Variants in GRM5 observed in about 807,000 individuals in gnomAD.
GRM5 encodes glutamate metabotropic receptor 5, also known as metabotropic glutamate receptor 5.
In GRM5, 19 loss-of-function variants were observed where a neutral mutation model predicts 83.1. The observed-to-expected ratio is 0.23, with a 90% CI of 0.16 to 0.34. The LOEUF is 0.34. Ranked by LOEUF, GRM5 falls within the 10% of genes least tolerant of loss-of-function variation. The pLI is 1.00. For synonymous variants in GRM5, 675 were observed against 633.6 expected, an observed-to-expected ratio of 1.07 and a Z score of -0.98; for missense variants, 1,160 against 1,588.3, an observed-to-expected ratio of 0.73 and a Z score of 4.58.
intron 4 of GRM5, among the ~76,000 whole-genome samples, chr11:88,606,122 T>C (rs1486185278): frequency 6.6e-6 from 1 of 152,066 alleles, no homozygotes; most frequent in Non-Finnish European, 1.5e-5. Context: ...CATGCTATGT[T>C]TGGGAGACTT....
At chr11:88,798,693 A>G (rs971687178) in intron 3 of GRM5, among the ~76,000 whole-genome samples, 5 of 151,630 alleles carry the variant, frequency 3.3e-5, no homozygotes, top group African/African-American at 1.2e-4. Context: ...TATCACGGTC[A>G]TAATTGTTGT....
chr11:88,998,741 T>G lies in GRM5; in HGVS notation c.661+48471A>C, dbSNP rs373631680. Among the ~76,000 whole-genome samples the G allele has an allele frequency of 2.6e-5, 4 of 152,210 alleles. No individual in the cohort carries two copies. In the East Asian group the frequency reaches 5.8e-4, roughly 22 times the overall value. ...ACAAGTGAGTTCAGCAAAGCTTCAG[T>G]ATTCATGATAAACATAAAAATCAAA... is the stretch of plus-strand genomic sequence containing the variant. On this transcript the variant is annotated intron_variant, in intron 2 of 9. Coordinates refer to ENST00000305447, the MANE Select transcript of GRM5 (RefSeq NM_001143831.3).
intron 4 of GRM5, among the ~76,000 whole-genome samples, chr11:88,623,858 G>T (rs147617748): frequency 4.6e-5 from 7 of 152,084 alleles, no homozygotes; most frequent in Admixed American, 2.6e-4. Context: ...GTACATCCAG[G>T]TGGTGGGGGT....
intron 2 of GRM5, among the ~76,000 whole-genome samples, chr11:88,891,325 A>G (rs1945141061): frequency 6.6e-6 from 1 of 152,122 alleles, no homozygotes; most frequent in Admixed American, 6.6e-5. Flanking sequence ...TAAGTAATTT[A>G]TGACTATCTG....
chr11:88,831,514 G>A (rs1188598618), intron 3 of GRM5, among the ~76,000 whole-genome samples: 1 of 152,188 alleles, frequency 6.6e-6, no homozygotes. Context: ...ACCACAGCCA[G>A]CATCAGCATG....
Position 88,798,814 on chromosome 11 carries a change from A to AC in GRM5, c.911+51091_911+51092insG, listed in dbSNP as rs1565236146. Among the ~76,000 whole-genome samples, 22 of 141,096 alleles carry AC rather than the reference A, an allele frequency of 1.6e-4. No homozygotes were observed. The East Asian group carries it at 1.9e-3, about 12-fold the overall frequency. The allele number at this position is 141,096 out of a possible 152,430, so 92.6% of individuals were successfully genotyped here. On this transcript the variant is annotated intron_variant, in intron 3 of 9. Coordinates refer to ENST00000305447, the MANE Select transcript of GRM5 (RefSeq NM_001143831.3). ...TACCTAATGAAAACACCAAAAAAAA[A>AC]AAAAAAAAAAAAACAACAACAACAA...
At position 88,508,489 on chromosome 11, in the gene GRM5, T is replaced by C. The variant is rs1941241061; in HGVS notation, c.*103A>G. 3.5e-6 allele frequency: 3 copies of C among 869,220 alleles called. No individual in the cohort carries two copies. The highest frequency in any genetic ancestry group is 3.1e-5 in the East Asian group (1 of 32,220). 53.8% of individuals were successfully genotyped at this position (869,220 alleles called of 1,614,324 possible). A position where few individuals can be genotyped will look rare whatever the true frequency, so the allele number is the denominator to read the frequency against. On this transcript the variant is annotated 3_prime_UTR_variant, in exon 10 of 10. Coordinates refer to ENST00000305447, the MANE Select transcript of GRM5 (RefSeq NM_001143831.3). The surrounding 1 kb of genome is among the most constrained non-coding windows in gnomAD (Gnocchi z 4.2). ...TCCATTAAGGGGTGCCCTTGGCATCTTCCCCCTGGGCCGTAACCAGGCGAC... is the reference window on the plus strand; with the variant it reads ...TCCATTAAGGGGTGCCCTTGGCATCCTCCCCCTGGGCCGTAACCAGGCGAC...
At chr11:88,631,473 T>A (rs923056383) in intron 4 of GRM5, among the ~76,000 whole-genome samples, 2 of 152,220 alleles carry the variant, frequency 1.3e-5, no homozygotes, top group African/African-American at 4.8e-5. Flanking sequence ...GTGTAAAGTT[T>A]TAATATAACA....
chr11:88,570,009 G>C (rs1021392500), intron 7 of GRM5, among the ~76,000 whole-genome samples: 4 of 152,048 alleles, frequency 2.6e-5, no homozygotes, highest in Non-Finnish European at 5.9e-5. Context: ...TTGTAGAAAG[G>C]GAAGGGAAGA....
chr11:88,767,528 CAT>C (rs1942647082), intron 3 of GRM5, among the ~76,000 whole-genome samples: 1 of 151,978 alleles, frequency 6.6e-6, no homozygotes, highest in Non-Finnish European at 1.5e-5. Context: ...TTTGCATCAA[CAT>C]GTGTGAAGCT....
intron 7 of GRM5, among the ~76,000 whole-genome samples, chr11:88,575,514 T>G (rs1006715780): frequency 2.0e-5 from 3 of 152,246 alleles, no homozygotes; most frequent in African/African-American, 2.4e-5. Context: ...TCATGATTAA[T>G]TAACAATGTC....
rs753009591 is a variant in GRM5 at position 88,567,161 on chromosome 11, G to T, written c.2522C>A (p.Thr841Asn). The change falls in exon 8 of 10, where the codon ACC becomes AAC. Residue 841 changes from threonine to asparagine, a missense_variant. Physicochemically the swap from Thr to Asn is moderately conservative, Grantham distance 65. Coordinates refer to ENST00000305447, the MANE Select transcript of GRM5 (RefSeq NM_001143831.3). This position sits in a 1 kb window ranked among gnomAD's most constrained non-coding sequence, Gnocchi z 7.3. ...RNVRSAFTTS[T>N]VVRMHVGDGK... is the part of the protein sequence containing the mutation. ...ATCCCCTACATGCATGCGCACCACG[G>T]TAGATGTGGTGAAGGCGCTGCGCAC... 6.2e-7 allele frequency: 1 copy of T among 1,612,620 alleles called. No homozygotes were observed. The highest frequency in any genetic ancestry group is 8.5e-7 in the Non-Finnish European group (1 of 1,178,674).
intron 2 of GRM5, among the ~76,000 whole-genome samples, chr11:88,853,232 T>C (rs937873644): frequency 2.6e-5 from 4 of 152,122 alleles, no homozygotes; most frequent in Admixed American, 1.3e-4. Context: ...ATGTCAATCA[T>C]TGATTTTCAA....
At chr11:88,993,265 CA>C (rs71046275) in intron 2 of GRM5, among the ~76,000 whole-genome samples, 37 of 102,640 alleles carry the variant, frequency 3.6e-4, no homozygotes, top group Admixed American at 3.4e-3. Flanking sequence ...GACTCTGTCT[CA>C]AAAAAAAAAA....
At chr11:88,546,706 G>A (rs1237503353) in intron 8 of GRM5, among the ~76,000 whole-genome samples, 1 of 151,978 alleles carries the variant, frequency 6.6e-6, no homozygotes, top group Non-Finnish European at 1.5e-5. Context: ...CTTGATGCGT[G>A]GGGATAAATT....
At chr11:88,642,233 C>T (rs1939314790) in intron 4 of GRM5, among the ~76,000 whole-genome samples, 1 of 152,140 alleles carries the variant, frequency 6.6e-6, no homozygotes, top group Non-Finnish European at 1.5e-5. Context: ...CTCCTTTGAG[C>T]CACAGCTAGA....
intron 3 of GRM5, among the ~76,000 whole-genome samples, chr11:88,708,193 C>T (rs1798943688): frequency 6.6e-6 from 1 of 152,034 alleles, no homozygotes; most frequent in Admixed American, 6.6e-5. Flanking sequence ...GATACTCCTG[C>T]TTGCCAACAT....
chr11:88,721,098 T>C (rs192083978), intron 3 of GRM5, among the ~76,000 whole-genome samples: 36 of 152,152 alleles, frequency 2.4e-4, no homozygotes, highest in Admixed American at 5.2e-4. Flanking sequence ...TGCAAAAATA[T>C]GGTAATCACA....
chr11:88,578,065 T>C (rs1943149365), intron 7 of GRM5, among the ~76,000 whole-genome samples: 1 of 152,112 alleles, frequency 6.6e-6, no homozygotes. Flanking sequence ...TAGATTATCC[T>C]TTATTATTCT....
Sources: gnomAD v4.1 joint callset for allele counts (sites outside exome capture counted in the v4.1 genomes callset) on GRCh38, gnomAD v4.1.1 for gene constraint, Gnocchi (gnomAD v3.1) non-coding constraint, MANE v1.5 for transcripts, NCBI Gene and HGNC (gene_info 2026-07-23, HGNC 2026-07-21) for gene names.